Variants in CBL observed in about 807,000 individuals in gnomAD.
CBL encodes the protein E3 ubiquitin-protein ligase CBL.
A neutral mutation model predicts 96.9 loss-of-function variants in CBL; 45 were observed. That is an observed-to-expected ratio of 0.46 (90% CI 0.37 to 0.60). The LOEUF (loss-of-function observed/expected upper bound fraction) is 0.60, where lower values mean the gene tolerates loss of function less well. Ranked by LOEUF, CBL falls within the 20% of genes least tolerant of loss-of-function variation. The pLI, the probability that CBL is intolerant of heterozygous loss-of-function variation, is 0.00. For missense variants in CBL, 1,024 were observed against 1,143.5 expected (o/e 0.90, Z 1.51); for synonymous variants, 420 against 426.8 (o/e 0.98, Z 0.20).
rs1168582357 is a variant in CBL, at chr11:119,303,726, TC to T, written c.*3946del. 8.1e-5 allele frequency: 19 copies of T among 233,562 alleles called. No homozygotes were observed. The highest frequency in any genetic ancestry group is 1.6e-4 in the Non-Finnish European group (19 of 118,058). The allele number at this position is 233,562 out of a possible 1,614,324, so 14.5% of individuals were successfully genotyped here. A position where few individuals can be genotyped will look rare whatever the true frequency, so the allele number is the denominator to read the frequency against. ...GGAATTTGTTCCAACATAATTAGAATCTGTTTGGTGAGTTGAAAGGTAAGTT... is the reference window on the plus strand; with the variant it reads ...GGAATTTGTTCCAACATAATTAGAATTGTTTGGTGAGTTGAAAGGTAAGTT... On this transcript the variant is annotated 3_prime_UTR_variant, in exon 16 of 16. Coordinates refer to ENST00000264033, the MANE Select transcript of CBL (RefSeq NM_005188.4).
chr11:119,223,349 T>A (rs1437598472), intron 1 of CBL, among the ~76,000 whole-genome samples: 1 of 151,058 alleles, frequency 6.6e-6, no homozygotes, highest in African/African-American at 2.4e-5. Context: ...AATTTTTGGT[T>A]TTTATTTTAT....
intron 2 of CBL, among the ~76,000 whole-genome samples, chr11:119,263,407 C>T (rs1269003024): frequency 6.6e-6 from 1 of 152,112 alleles, no homozygotes; most frequent in Admixed American, 6.5e-5. Context: ...ATGTGGGTTG[C>T]TGCCTTCCCA....
intron 1 of CBL, among the ~76,000 whole-genome samples, chr11:119,210,848 A>G (rs187343756): frequency 1.3e-3 from 197 of 152,220 alleles, no homozygotes; most frequent in African/African-American, 4.6e-3. Context: ...CTGTAAATAC[A>G]GTAATCCTCC....
At chr11:119,264,442 T>TCTTCTCTTCTCTTCTCTTCTC (rs5795173) in intron 2 of CBL, among the ~76,000 whole-genome samples, 3 of 44,400 alleles carry the variant, frequency 6.8e-5, no homozygotes, top group East Asian at 8.6e-4. Context: ...TCTTCTCTTC[T>TCTTCTCTTCTCTTCTCTTCTC]TTCTCTTCTC....
Position 119,302,603 on chromosome 11 carries a change from C to T in CBL, c.*2822C>T, listed in dbSNP as rs1315788975. The T allele has an allele frequency of 4.3e-6, 1 of 231,930 alleles. No homozygotes were observed. The highest frequency in any genetic ancestry group is 8.5e-6 in the Non-Finnish European group (1 of 117,228). The allele number at this position is 231,930 out of a possible 1,614,324, so 14.4% of individuals were successfully genotyped here. ...TTGGGCTGTTGTATTCAGCCAGTCTCATGCTTTCCCTGGGTCTTCACGGAT... is the reference window on the plus strand; with the variant it reads ...TTGGGCTGTTGTATTCAGCCAGTCTTATGCTTTCCCTGGGTCTTCACGGAT... On this transcript the variant is annotated 3_prime_UTR_variant, in exon 16 of 16. Coordinates refer to ENST00000264033, the MANE Select transcript of CBL (RefSeq NM_005188.4).
At chr11:119,253,834 C>G in intron 2 of CBL, among the ~76,000 whole-genome samples, 1 of 132,054 alleles carries the variant, frequency 7.6e-6, no homozygotes, top group African/African-American at 2.9e-5. Context: ...GAGACCCCAT[C>G]TAAAAACAAA....
At chr11:119,262,545 T>C (rs766057978) in intron 2 of CBL, among the ~76,000 whole-genome samples, 1 of 152,212 alleles carries the variant, frequency 6.6e-6, no homozygotes, top group Non-Finnish European at 1.5e-5. Context: ...AGATGTAGAA[T>C]TATTCTGAAA....
Position 119,277,802 on chromosome 11 carries a change from C to T in CBL, c.1053C>T (p.Gly351=), listed in dbSNP as rs1312781060. Reference sequence around the variant, plus strand: ...GAAATCAGAATCCTGATCTGACTGGCTTATGTGAACCAACTCCCCAAGACC... The same window carrying T: ...GAAATCAGAATCCTGATCTGACTGGTTTATGTGAACCAACTCCCCAAGACC... ...DGRNQNPDLT[G]LCEPTPQDHI... is the part of the protein sequence containing the mutation. Residue 351 remains glycine, a synonymous_variant, in exon 7 of 16, where the codon GGC becomes GGT. Coordinates refer to ENST00000264033, the MANE Select transcript of CBL (RefSeq NM_005188.4). 2 of 1,613,944 alleles carry T rather than the reference C, an allele frequency of 1.2e-6. No individual in the cohort carries two copies. The highest frequency in any genetic ancestry group is 1.7e-6 in the Non-Finnish European group (2 of 1,179,842).
At chr11:119,242,372 C>T (rs961643598) in intron 2 of CBL, among the ~76,000 whole-genome samples, 1 of 151,760 alleles carries the variant, frequency 6.6e-6, no homozygotes, top group Non-Finnish European at 1.5e-5. Flanking sequence ...AACCCCCTCC[C>T]TTCTAAAAAT....
chr11:119,274,040 A>C lies in CBL; in HGVS notation c.747+16A>C, dbSNP rs1411214527. 1.2e-6 allele frequency: 2 copies of C among 1,605,282 alleles called. No homozygotes were observed. Among genetic ancestry groups the C allele is most frequent in the African/African-American group, 2.7e-5 (2 of 74,470 alleles). On this transcript the variant is annotated intron_variant, in intron 4 of 15. Coordinates refer to ENST00000264033, the MANE Select transcript of CBL (RefSeq NM_005188.4). The stretch of plus-strand genomic sequence containing the variant: ...ACTCTTTCAGGTAGGACACTAAAAA[A>C]GTTGACTAAACTGGTTACTGCTACT...
chr11:119,258,464 T>C (rs896751523), intron 2 of CBL, among the ~76,000 whole-genome samples: 2 of 152,070 alleles, frequency 1.3e-5, no homozygotes, highest in African/African-American at 4.8e-5. Flanking sequence ...CCAGATCTCC[T>C]GAGAACTCTA....
At chr11:119,298,814 C>G (rs925087229) in intron 15 of CBL, among the ~76,000 whole-genome samples, 3 of 152,188 alleles carry the variant, frequency 2.0e-5, no homozygotes, top group African/African-American at 7.2e-5. Context: ...TGCCTTATGA[C>G]ACTGGTAATT....
chr11:119,285,617 C>A, intron 11 of CBL, 51 bp downstream of exon 11: 1 of 1,587,506 alleles, frequency 6.3e-7, no homozygotes, highest in South Asian at 1.1e-5. Flanking sequence ...ATGTGTGGGC[C>A]AGGCACAGTG....
In CBL at chr11:119,283,625, C is replaced by CTTTTTTTTTTTTTTTTTTTTTTTTTTT. The variant is rs398017760; in HGVS notation, c.1432-1340_1432-1314dup. ...AAATATTAATCCTTTTTAATTCTTT[C>CTTTTTTTTTTTTTTTTTTTTTTTTTTT]TTTTTTTTTTTTTTTTTTTTTTTTT... On this transcript the variant is annotated intron_variant, in intron 9 of 15. Coordinates refer to ENST00000264033, the MANE Select transcript of CBL (RefSeq NM_005188.4). Among the ~76,000 whole-genome samples the CTTTTTTTTTTTTTTTTTTTTTTTTTTT allele has an allele frequency of 5.1e-4, 23 of 45,526 alleles. 6 individuals are homozygous for CTTTTTTTTTTTTTTTTTTTTTTTTTTT. Among genetic ancestry groups the CTTTTTTTTTTTTTTTTTTTTTTTTTTT allele is most frequent in the Middle Eastern group, 0.031 (1 of 32 alleles). 29.9% of individuals were successfully genotyped at this position (45,526 alleles called of 152,430 possible).
At chr11:119,236,662 G>C (rs181379131) in intron 2 of CBL, among the ~76,000 whole-genome samples, 5 of 150,154 alleles carry the variant, frequency 3.3e-5, no homozygotes, top group Admixed American at 2.7e-4. Flanking sequence ...TGGTAATTCT[G>C]TGTTCAACTT....
intron 1 of CBL, among the ~76,000 whole-genome samples, chr11:119,209,473 G>A (rs1949300080): frequency 1.3e-5 from 2 of 152,166 alleles, no homozygotes; most frequent in Non-Finnish European, 2.9e-5. Context: ...ACAAAAATTA[G>A]CTGGGTGTGG....
rs1949972926 is a variant in CBL, at chr11:119,285,240, C to G, written c.1615C>G (p.Leu539Val). Residue 539 changes from leucine (L) to valine (V), a missense_variant, in exon 11 of 16, where the codon CTT becomes GTT. Leu to Val is a conservative substitution (Grantham distance 32). Transcript: ENST00000264033. Reference sequence around the variant, plus strand: ...CAAACCATTGCCAGTACCTCCCACACTTCGAGATCTTCCACCACCACCGCC... The same window carrying G: ...CAAACCATTGCCAGTACCTCCCACAGTTCGAGATCTTCCACCACCACCGCC... ...KDKPLPVPPTLRDLPPPPPPD... is the reference protein window; with the variant it reads ...KDKPLPVPPTVRDLPPPPPPD... 6.2e-7 allele frequency: 1 copy of G among 1,614,196 alleles called. No homozygotes were observed. The highest frequency in any genetic ancestry group is 1.1e-5 in the South Asian group (1 of 91,084).
chr11:119,254,364 G>T (rs752998910), intron 2 of CBL, among the ~76,000 whole-genome samples: 1 of 152,174 alleles, frequency 6.6e-6, no homozygotes, highest in Non-Finnish European at 1.5e-5. Context: ...TTTGAGAAAT[G>T]TATTGCTGCC....
At chr11:119,292,869 A>G (rs1364751978) in intron 12 of CBL, among the ~76,000 whole-genome samples, 1 of 152,256 alleles carries the variant, frequency 6.6e-6, no homozygotes, top group African/African-American at 2.4e-5. Context: ...TTGCTCCTCA[A>G]CTTAAGATGG....
Sources: gnomAD v4.1 joint callset for allele counts (sites outside exome capture counted in the v4.1 genomes callset) on GRCh38, gnomAD v4.1.1 for gene constraint, MANE v1.5 for transcripts, NCBI Gene and HGNC (gene_info 2026-07-23, HGNC 2026-07-21) for gene names.